RGS17: variants seen among roughly 807,000 people sequenced by gnomAD.
The protein encoded by RGS17 is regulator of G-protein signaling 17.
RGS17 carries 12 observed loss-of-function variants against 25.5 expected under a neutral mutation model. The observed-to-expected ratio is 0.47, with a 90% CI of 0.30 to 0.76. RGS17 has a LOEUF of 0.76. Among genes scored for constraint, RGS17 ranks in the 30% least tolerant of loss-of-function variants. The pLI is 0.07. For synonymous variants in RGS17, 71 were observed against 76.9 expected (o/e 0.92, Z 0.40); for missense variants, 196 against 242.2 (o/e 0.81, Z 1.27).
intron 1 of RGS17, among the ~76,000 whole-genome samples, chr6:153,065,441 C>G (rs911617886): frequency 1.3e-5 from 2 of 152,160 alleles, no homozygotes; most frequent in Non-Finnish European, 2.9e-5. Flanking sequence ...CACTATAGAC[C>G]AAACAGACTT....
At chr6:153,093,054 T>C (rs1777155520) in intron 1 of RGS17, among the ~76,000 whole-genome samples, 1 of 152,346 alleles carries the variant, frequency 6.6e-6, no homozygotes, top group Non-Finnish European at 1.5e-5. Context: ...TTAGGAAATA[T>C]TATTATCAAG....
intron 1 of RGS17, among the ~76,000 whole-genome samples, chr6:153,129,002 A>G (rs1456939860): frequency 3.3e-5 from 5 of 152,220 alleles, no homozygotes; most frequent in African/African-American, 9.6e-5. Flanking sequence ...TGTTCTGTAA[A>G]TTCGACGGTT....
chr6:153,100,204 G>T (rs1777278955), intron 1 of RGS17, among the ~76,000 whole-genome samples: 1 of 152,092 alleles, frequency 6.6e-6, no homozygotes, highest in African/African-American at 2.4e-5. Flanking sequence ...TGTAGTTAAA[G>T]ACCAAATTAA....
At chr6:153,109,622 T>A (rs75801665) in intron 1 of RGS17, among the ~76,000 whole-genome samples, 1 of 151,188 alleles carries the variant, frequency 6.6e-6, no homozygotes, top group Non-Finnish European at 1.5e-5. Flanking sequence ...ATACTTTTTA[T>A]CATTTCAGAT....
At position 153,054,096 on chromosome 6, in the gene RGS17, ATATATATATATATATATGTG is replaced by A. The variant is rs1455785525; in HGVS notation, c.-25-10073_-25-10054del. On this transcript the variant is annotated intron_variant, in intron 1 of 4. Coordinates refer to ENST00000206262, the MANE Select transcript of RGS17 (RefSeq NM_012419.5). Reference sequence around the variant, plus strand: ...TATATATACACACAATATTTTTTATATATATATATATATATATGTGTATATATATATATATACAGCTTTAT... The same window carrying A: ...TATATATACACACAATATTTTTTATATATATATATATATATACAGCTTTAT... 7.8e-5 allele frequency among the ~76,000 whole-genome samples: 6 copies of A among 77,022 alleles called. 2 individuals carry two copies. Among genetic ancestry groups the A allele is most frequent in the African/African-American group, 4.1e-4 (6 of 14,620 alleles). The allele number at this position is 77,022 out of a possible 152,430, so 50.5% of individuals were successfully genotyped here.
intron 4 of RGS17, among the ~76,000 whole-genome samples, chr6:153,019,153 A>G (rs1779213602): frequency 6.6e-6 from 1 of 152,192 alleles, no homozygotes. Flanking sequence ...GCCTTCATTC[A>G]TAACACTAGG....
At chr6:153,028,678 A>G (rs583297) in intron 2 of RGS17, among the ~76,000 whole-genome samples, 53,460 of 152,022 alleles carry the variant, frequency 0.35, 9,713 homozygotes, top group Middle Eastern at 0.41. Context: ...GGTAAATTCT[A>G]TTCAGCTCTT....
In RGS17 at chr6:153,010,135, A is replaced by C. The variant is rs561365095; in HGVS notation, c.*1439T>G. 1 of 152,064 alleles carries C rather than the reference A, an allele frequency of 6.6e-6. No individual in the cohort carries two copies. Among genetic ancestry groups the C allele is most frequent in the South Asian group, 2.1e-4 (1 of 4,828 alleles). The allele number at this position is 152,064 out of a possible 1,614,324, so 9.4% of individuals were successfully genotyped here. A position where few individuals can be genotyped will look rare whatever the true frequency, so the allele number is the denominator to read the frequency against. On this transcript the variant is annotated 3_prime_UTR_variant, in exon 5 of 5. Transcript: ENST00000206262. ...GGATATAAATCTTTTTAAAACTTTC[A>C]TTTTAGGTTACTCAGTATTATATTC...
chr6:153,093,042 A>T (rs1777155405), intron 1 of RGS17, among the ~76,000 whole-genome samples: 1 of 152,212 alleles, frequency 6.6e-6, no homozygotes, highest in Admixed American at 6.5e-5. Flanking sequence ...TAAAGATGCT[A>T]CTTAGGAAAT....
At chr6:153,096,170 C>T (rs1266471304) in intron 1 of RGS17, among the ~76,000 whole-genome samples, 3 of 150,914 alleles carry the variant, frequency 2.0e-5, no homozygotes, top group Admixed American at 6.6e-5. Context: ...GCTGCTAAGA[C>T]GAGGGAAGGA....
chr6:153,094,673 T>C (rs1370478348), intron 1 of RGS17, among the ~76,000 whole-genome samples: 1 of 152,218 alleles, frequency 6.6e-6, no homozygotes, highest in African/African-American at 2.4e-5. Context: ...ACTCTCGATA[T>C]GTCAGTAATT....
rs1207930761 is a variant in RGS17 at position 153,011,214 on chromosome 6, T to G, written c.*360A>C. 5.8e-6 allele frequency: 1 copy of G among 172,834 alleles called. No homozygotes were observed. Among genetic ancestry groups the G allele is most frequent in the African/African-American group, 2.4e-5 (1 of 41,902 alleles). The allele number at this position is 172,834 out of a possible 1,614,324, so 10.7% of individuals were successfully genotyped here. ...AGTCCTTAAATACAGATATAAGTTA[T>G]GCTACTGGATTAAATATTACAACAA... On this transcript the variant is annotated 3_prime_UTR_variant, in exon 5 of 5. Transcript: ENST00000206262.
At chr6:153,069,126 T>C (rs747230480) in intron 1 of RGS17, among the ~76,000 whole-genome samples, 2 of 152,076 alleles carry the variant, frequency 1.3e-5, no homozygotes, top group Non-Finnish European at 2.9e-5. Flanking sequence ...AGAAAGGAAA[T>C]CAGCATATTG....
chr6:153,052,892 G>C (rs1776482062), intron 1 of RGS17, among the ~76,000 whole-genome samples: 3 of 152,096 alleles, frequency 2.0e-5, no homozygotes, highest in African/African-American at 7.2e-5. Flanking sequence ...AATGAGATTA[G>C]TGCCCTTAAA....
At chr6:153,035,989 G>A (rs1198072264) in intron 2 of RGS17, among the ~76,000 whole-genome samples, 1 of 152,226 alleles carries the variant, frequency 6.6e-6, no homozygotes, top group African/African-American at 2.4e-5. Flanking sequence ...GACTTCTCTG[G>A]TGTATCTGCA....
intron 1 of RGS17, among the ~76,000 whole-genome samples, chr6:153,096,971 C>T (rs570555874): frequency 6.6e-6 from 1 of 152,290 alleles, no homozygotes; most frequent in East Asian, 1.9e-4. Context: ...CATCAAGAAC[C>T]TGTTTGTTTT....
At chr6:153,087,270 C>CG (rs1777064667) in intron 1 of RGS17, among the ~76,000 whole-genome samples, 2 of 151,910 alleles carry the variant, frequency 1.3e-5, no homozygotes, top group Non-Finnish European at 2.9e-5. Context: ...AGTGAGACTC[C>CG]GTCTAAAACA....
chr6:153,118,667 G>A (rs1777577184), intron 1 of RGS17, among the ~76,000 whole-genome samples: 1 of 151,896 alleles, frequency 6.6e-6, no homozygotes, highest in Non-Finnish European at 1.5e-5. Flanking sequence ...TTACTGCCTT[G>A]TGTGAAAGTG....
In RGS17 at chr6:153,011,470, G is replaced by C; in HGVS notation, c.*104C>G. Reference sequence around the variant, plus strand: ...AACGGTTGTGTTTTCACAGTAGCCTGAGGAATGCTAAACTGTAGTTCTCCA... The same window carrying C: ...AACGGTTGTGTTTTCACAGTAGCCTCAGGAATGCTAAACTGTAGTTCTCCA... On this transcript the variant is annotated 3_prime_UTR_variant, in exon 5 of 5. Coordinates refer to ENST00000206262, the MANE Select transcript of RGS17 (RefSeq NM_012419.5). 1.3e-6 allele frequency: 1 copy of C among 761,514 alleles called. No individual in the cohort carries two copies. Among genetic ancestry groups the C allele is most frequent in the Non-Finnish European group, 2.2e-6 (1 of 458,140 alleles). The allele number at this position is 761,514 out of a possible 1,614,324, so 47.2% of individuals were successfully genotyped here. A position where few individuals can be genotyped will look rare whatever the true frequency, so the allele number is the denominator to read the frequency against.
Sources: allele counts gnomAD v4.1 joint callset (sites outside exome capture counted in the v4.1 genomes callset), GRCh38; gene constraint gnomAD v4.1.1; transcripts MANE v1.5; gene names NCBI Gene and HGNC (gene_info 2026-07-23, HGNC 2026-07-21).